DCC: variants seen among roughly 807,000 people sequenced by gnomAD.
DCC encodes the protein DCC netrin 1 receptor.
In DCC, 58 loss-of-function variants were observed where a neutral mutation model predicts 172.5. The ratio of observed to expected loss-of-function variants is 0.34; its 90% CI spans 0.27 to 0.42. The LOEUF is 0.42. Among genes scored for constraint, DCC ranks in the 10% least tolerant of loss-of-function variants. The pLI is 1.00. For synonymous variants in DCC, 709 were observed against 644.5 expected, an observed-to-expected ratio of 1.10 and a Z score of -1.52; for missense variants, 1,740 against 1,791.0, an observed-to-expected ratio of 0.97 and a Z score of 0.51.
At chr18:53,387,482 T>G (rs1206321913) in intron 16 of DCC, among the ~76,000 whole-genome samples, 1 of 152,206 alleles carries the variant, frequency 6.6e-6, no homozygotes, top group African/African-American at 2.4e-5. Flanking sequence ...ATTCATTGTA[T>G]AATCAAAGGG....
chr18:52,397,838 C>CTGTTAGA (rs1454651705), intron 1 of DCC, among the ~76,000 whole-genome samples: 3 of 152,004 alleles, frequency 2.0e-5, no homozygotes, highest in Non-Finnish European at 4.4e-5. Context: ...ATCTAGCAAA[C>CTGTTAGA]TGTTAATTGT....
intron 2 of DCC, among the ~76,000 whole-genome samples, chr18:52,840,290 T>G (rs895737202): frequency 1.3e-5 from 2 of 152,190 alleles, no homozygotes; most frequent in Non-Finnish European, 2.9e-5. Context: ...TGAACAAACA[T>G]TTTATCTGAT....
chr18:52,730,946 C>T (rs1480269664), intron 1 of DCC, among the ~76,000 whole-genome samples: 2 of 152,114 alleles, frequency 1.3e-5, no homozygotes, highest in Admixed American at 6.6e-5. Context: ...GCAAACAAAC[C>T]GCTAGACTGA....
At chr18:52,670,845 A>C (rs542594079) in intron 1 of DCC, among the ~76,000 whole-genome samples, 149 of 150,788 alleles carry the variant, frequency 9.9e-4, no homozygotes, top group African/African-American at 3.1e-3. Context: ...CATCTCAAAA[A>C]GAAAAAAAAA....
At chr18:52,827,880 T>A (rs1472357853) in intron 2 of DCC, among the ~76,000 whole-genome samples, 1 of 152,214 alleles carries the variant, frequency 6.6e-6, no homozygotes, top group Non-Finnish European at 1.5e-5. Context: ...CGTAGGTGTG[T>A]GAGCTGCATT....
intron 5 of DCC, among the ~76,000 whole-genome samples, chr18:53,054,581 T>C (rs2042378321): frequency 6.6e-6 from 1 of 152,092 alleles, no homozygotes; most frequent in Non-Finnish European, 1.5e-5. Flanking sequence ...CTCAGTTTGA[T>C]CCTAGGCTCC....
intron 1 of DCC, among the ~76,000 whole-genome samples, chr18:52,679,650 T>A (rs2035709186): frequency 1.3e-5 from 2 of 152,138 alleles, no homozygotes; most frequent in Admixed American, 1.3e-4. Flanking sequence ...AACAGAATTA[T>A]TATTGCATGA....
chr18:53,258,578 A>T (rs1040682134), intron 12 of DCC, among the ~76,000 whole-genome samples: 12 of 152,080 alleles, frequency 7.9e-5, no homozygotes, highest in Non-Finnish European at 1.6e-4. Flanking sequence ...TCTGAGAGAC[A>T]GTTTGTTATA....
rs1229524898 is a variant in DCC, at chr18:52,606,765, A to C, written c.92-145289A>C. Reference sequence around the variant, plus strand: ...TTGTAACTGGCTCAGGACTTTGCAGATAGATTATGAGAGTAACATGTGGGG... The same window carrying C: ...TTGTAACTGGCTCAGGACTTTGCAGCTAGATTATGAGAGTAACATGTGGGG... On this transcript the variant is annotated intron_variant, in intron 1 of 28. Transcript: ENST00000442544. 1.3e-5 allele frequency among the ~76,000 whole-genome samples: 2 copies of C among 152,146 alleles called. 1 individual carries two copies. Among genetic ancestry groups the C allele is most frequent in the South Asian group, 4.1e-4 (2 of 4,832 alleles).
chr18:52,950,768 GA>G (rs1279136453), intron 5 of DCC, among the ~76,000 whole-genome samples: 1 of 150,102 alleles, frequency 6.7e-6, no homozygotes, highest in East Asian at 2.0e-4. Flanking sequence ...ACTAAAAATA[GA>G]AAAAAATTAG....
chr18:53,281,584 C>G (rs2056872624), intron 12 of DCC, among the ~76,000 whole-genome samples: 2 of 152,134 alleles, frequency 1.3e-5, no homozygotes, highest in Non-Finnish European at 1.5e-5. Flanking sequence ...CTTTTGCTAG[C>G]AAACTGACTT....
chr18:52,866,170 T>G (rs1266982969), intron 2 of DCC, among the ~76,000 whole-genome samples: 1 of 152,200 alleles, frequency 6.6e-6, no homozygotes, highest in Non-Finnish European at 1.5e-5. Flanking sequence ...CACTGCTTGT[T>G]TTCGTTAGGT....
intron 24 of DCC, among the ~76,000 whole-genome samples, chr18:53,462,727 G>A (rs1344479401): frequency 1.3e-5 from 2 of 152,104 alleles, no homozygotes; most frequent in Admixed American, 6.6e-5. Context: ...GCTTTGTGGG[G>A]CCTTGTAGAC....
chr18:52,411,287 C>T lies in DCC; in HGVS notation c.91+70409C>T, dbSNP rs527651200. Among the ~76,000 whole-genome samples the T allele has an allele frequency of 1.4e-3, 207 of 152,234 alleles. 2 individuals carry two copies. Among genetic ancestry groups the T allele is most frequent in the Admixed American group, 0.013 (202 of 15,274 alleles). ...CACTGTGAAAGAGCATGGCATCTCT[C>T]GGGAAGTCTCTGTAATGCTACCCCT... On this transcript the variant is annotated intron_variant, in intron 1 of 28. Transcript: ENST00000442544.
intron 7 of DCC, among the ~76,000 whole-genome samples, chr18:53,128,864 CACACACATAT>C (rs1235203666): frequency 5.4e-4 from 39 of 72,108 alleles, no homozygotes; most frequent in African/African-American, 2.5e-3. Context: ...CACACACACA[CACACACATAT>C]ATATATATAT....
intron 1 of DCC, among the ~76,000 whole-genome samples, chr18:52,681,881 AT>A (rs59663854): frequency 0.053 from 7,637 of 143,852 alleles, 278 homozygotes; most frequent in East Asian, 0.19. Flanking sequence ...CAGTTTCTAA[AT>A]AGAGTTCTTC....
chr18:52,406,187 A>T (rs1986643959), intron 1 of DCC, among the ~76,000 whole-genome samples: 1 of 151,342 alleles, frequency 6.6e-6, no homozygotes, highest in Admixed American at 6.6e-5. Context: ...TGGATTGAAG[A>T]CTTAAATGTT....
intron 5 of DCC, among the ~76,000 whole-genome samples, chr18:52,985,930 T>G (rs2041286094): frequency 6.6e-6 from 1 of 152,200 alleles, no homozygotes; most frequent in Admixed American, 6.6e-5. Context: ...GGGACTATTA[T>G]AAGCTTCTTT....
chr18:53,444,882 C>G (rs756408451), intron 22 of DCC, among the ~76,000 whole-genome samples: 1 of 152,072 alleles, frequency 6.6e-6, no homozygotes, highest in Non-Finnish European at 1.5e-5. Context: ...TAGTAAATTG[C>G]AAGTTCCATG....
Sources: allele counts gnomAD v4.1 joint callset (sites outside exome capture counted in the v4.1 genomes callset), GRCh38; gene constraint gnomAD v4.1.1; transcripts MANE v1.5; gene names NCBI Gene and HGNC (gene_info 2026-07-23, HGNC 2026-07-21).